The following SLC45A1 variants were observed in gnomAD, a reference collection of about 807,000 sequenced individuals.
SLC45A1 encodes solute carrier family 45 member 1, also known as proton-associated sugar transporter A.
SLC45A1 carries 28 observed loss-of-function variants against 57.6 expected under a neutral mutation model. The observed-to-expected ratio is 0.49, with a 90% confidence interval of 0.36 to 0.67. The LOEUF (loss-of-function observed/expected upper bound fraction) is 0.67, where lower values mean the gene tolerates loss of function less well. Among genes scored for constraint, SLC45A1 ranks in the 30% least tolerant of loss-of-function variants. The probability of loss-of-function intolerance (pLI) is 0.00; values close to 1 mark genes in which losing one functional copy is unlikely to be tolerated. For missense variants in SLC45A1, 814 were observed against 1,041.5 expected, an observed-to-expected ratio of 0.78 and a Z score of 3.01; for synonymous variants, 459 against 471.5, an observed-to-expected ratio of 0.97 and a Z score of 0.34.
intron 1 of SLC45A1, among the ~76,000 whole-genome samples, chr1:8,321,145 T>C (rs1205722844): frequency 6.6e-6 from 1 of 152,226 alleles, no homozygotes; most frequent in Non-Finnish European, 1.5e-5. Context: ...GGTTTTACCA[T>C]GCAGAAGTGC....
chr1:8,339,518 C>T lies in SLC45A1; in HGVS notation c.1800C>T (p.Phe600=), dbSNP rs1175829985. ...CTATCCTGGAGAAGCTGGAGGAGTT[C>T]CTCAGCGTCCGCACCCTCTACTTCA... ...YSAILEKLEE[F]LSVRTLYFIA... The change falls in exon 8 of 9, where the codon TTC becomes TTT. Residue 600 remains phenylalanine (F), a synonymous_variant. Coordinates refer to ENST00000471889, the MANE Select transcript of SLC45A1 (RefSeq NM_001080397.3). The T allele has an allele frequency of 1.9e-6, 3 of 1,614,202 alleles. No homozygotes were observed. Among genetic ancestry groups the T allele is most frequent in the Admixed American group, 3.3e-5 (2 of 60,026 alleles).
At chr1:8,342,000 G>A (rs1305949997) in intron 8 of SLC45A1, among the ~76,000 whole-genome samples, 1 of 152,148 alleles carries the variant, frequency 6.6e-6, no homozygotes, top group Non-Finnish European at 1.5e-5. Flanking sequence ...GAGGTCAGGA[G>A]ATCGAGACCA....
rs148282232 is a variant in SLC45A1, at chr1:8,328,835, G to A, written c.716-1374G>A. 1.6e-3 allele frequency among the ~76,000 whole-genome samples: 251 copies of A among 152,242 alleles called. 1 individual carries two copies. The East Asian group carries it at 0.023, about 14-fold the overall frequency. ...GCCTGGGCAATAAGAGTGAAACTCC[G>A]TCTCAAAGAAAAATAATAAATAAAA... On this transcript the variant is annotated intron_variant, in intron 4 of 8. Coordinates refer to ENST00000471889, the MANE Select transcript of SLC45A1 (RefSeq NM_001080397.3). The surrounding 1 kb of genome is among the most constrained non-coding windows in gnomAD (Gnocchi z 4.6).
chr1:8,321,728 A>G (rs1168160417), intron 1 of SLC45A1, among the ~76,000 whole-genome samples: 3 of 151,536 alleles, frequency 2.0e-5, no homozygotes, highest in African/African-American at 7.3e-5. Context: ...TGGGTGGAAG[A>G]ACGGGTCGGT....
rs1354639703 is a variant in SLC45A1, at chr1:8,343,337, G to A, written c.1981-410G>A. Among the ~76,000 whole-genome samples, 1 of 152,236 alleles carries A rather than the reference G, an allele frequency of 6.6e-6. No homozygotes were observed. The highest frequency in any genetic ancestry group is 2.4e-5 in the African/African-American group (1 of 41,460). ...AGCCTCGGACAGAGGACCAGCGGCT[G>A]TCATGTGCAGAGGACTTTGGGGGTG... On this transcript the variant is annotated intron_variant, in intron 8 of 8. Transcript: ENST00000471889. The surrounding 1 kb of genome is among the most constrained non-coding windows in gnomAD (Gnocchi z 7.7).
At chr1:8,319,789 T>C (rs1639942577) in intron 1 of SLC45A1, among the ~76,000 whole-genome samples, 1 of 152,170 alleles carries the variant, frequency 6.6e-6, no homozygotes, top group Admixed American at 6.5e-5. Flanking sequence ...CGATCTCAGC[T>C]CGCTACAACC....
At chr1:8,323,230 C>G (rs141720559) in intron 1 of SLC45A1, among the ~76,000 whole-genome samples, 3 of 152,064 alleles carry the variant, frequency 2.0e-5, no homozygotes, top group Non-Finnish European at 4.4e-5. Context: ...CGGTGGCTCA[C>G]GCCTGTAATC....
At position 8,335,608 on chromosome 1, in the gene SLC45A1, C is replaced by G. The variant is rs780739839; in HGVS notation, c.1597+18C>G. The G allele has an allele frequency of 1.3e-6, 2 of 1,586,894 alleles. No homozygotes were observed. Among genetic ancestry groups the G allele is most frequent in the South Asian group, 1.1e-5 (1 of 87,984 alleles). On this transcript the variant is annotated intron_variant, in intron 6 of 8. Coordinates refer to ENST00000471889, the MANE Select transcript of SLC45A1 (RefSeq NM_001080397.3). This position sits in a 1 kb window ranked among gnomAD's most constrained non-coding sequence, Gnocchi z 4.1. ...CTTCCTGGGTGAGCTCCCGGCCAAG[C>G]CTCCCCGTGAGTCCTGGTCCTGCTC...
At chr1:8,338,414 G>A (rs1367661593) in intron 7 of SLC45A1, among the ~76,000 whole-genome samples, 1 of 152,228 alleles carries the variant, frequency 6.6e-6, no homozygotes, top group Non-Finnish European at 1.5e-5. Flanking sequence ...GTAGGGGTGG[G>A]CAGGGGCCAG....
rs747201760 is a variant in SLC45A1 at position 8,324,261 on chromosome 1, C to T, written c.-24-45C>T. On this transcript the variant is annotated intron_variant, in intron 1 of 8. Coordinates refer to ENST00000471889, the MANE Select transcript of SLC45A1 (RefSeq NM_001080397.3). ...GAACTCAAATGTTGGGGGAGGACTA[C>T]CCAGGCAAAAGTAACTGTGGCCTCC... 12 of 1,537,886 alleles carry T rather than the reference C, an allele frequency of 7.8e-6. No individual in the cohort carries two copies. The Admixed American group carries it at 2.1e-4, about 27-fold the overall frequency.
At chr1:8,333,917 C>T (rs1322478110) in intron 5 of SLC45A1, among the ~76,000 whole-genome samples, 1 of 152,214 alleles carries the variant, frequency 6.6e-6, no homozygotes, top group Non-Finnish European at 1.5e-5. Flanking sequence ...CAGCGAGCTC[C>T]CGTCTGGAAA....
chr1:8,323,172 G>A (rs1469420822), intron 1 of SLC45A1, among the ~76,000 whole-genome samples: 1 of 152,082 alleles, frequency 6.6e-6, no homozygotes, highest in Non-Finnish European at 1.5e-5. Context: ...TCCTTACCTA[G>A]GTCATGGGCA....
intron 1 of SLC45A1, among the ~76,000 whole-genome samples, chr1:8,318,744 G>A (rs1237406998): frequency 1.3e-5 from 2 of 152,220 alleles, no homozygotes; most frequent in Non-Finnish European, 2.9e-5. Flanking sequence ...AGTGACAGCC[G>A]TGCATGTTTT....
Position 8,325,368 on chromosome 1 carries a change from T to A in SLC45A1, c.468T>A (p.Pro156=). 6.2e-7 allele frequency: 1 copy of A among 1,612,438 alleles called. No homozygotes were observed. The highest frequency in any genetic ancestry group is 8.5e-7 in the Non-Finnish European group (1 of 1,178,674). The change falls in exon 3 of 9, where the codon CCT becomes CCA. Residue 156 remains proline, a synonymous_variant. Coordinates refer to ENST00000471889, the MANE Select transcript of SLC45A1 (RefSeq NM_001080397.3). This position sits in a 1 kb window ranked among gnomAD's most constrained non-coding sequence, Gnocchi z 6.3. The part of the protein sequence containing the change: ...RCTSRFGRRR[P]FILVLAIGAL... ...CCTCAAGGTTTGGAAGGAGACGCCC[T>A]TTCATTCTTGTCCTGGCTATAGGTC...
In SLC45A1 at chr1:8,330,371, T is replaced by A; in HGVS notation, c.878T>A (p.Leu293Gln). 6.2e-7 allele frequency: 1 copy of A among 1,612,982 alleles called. No individual in the cohort carries two copies. Among genetic ancestry groups the A allele is most frequent in the Non-Finnish European group, 8.5e-7 (1 of 1,179,934 alleles). The change falls in exon 5 of 9, where the codon CTG becomes CAG. Residue 293 changes from leucine (L) to glutamine (Q), a missense_variant. Leu to Gln is a moderately radical substitution (Grantham distance 113). Transcript: ENST00000471889. This position sits in a 1 kb window ranked among gnomAD's most constrained non-coding sequence, Gnocchi z 8.4. ...LTLVSIPERPLRPPSEKRAAM... is the reference protein window; with the variant it reads ...LTLVSIPERPQRPPSEKRAAM... ...CTGGTCAGCATCCCTGAGAGGCCGC[T>A]GCGGCCGCCGAGTGAGAAGCGGGCA...
Position 8,325,651 on chromosome 1 carries a change from A to C in SLC45A1, c.491-167A>C, listed in dbSNP as rs1569935392. Among the ~76,000 whole-genome samples the C allele has an allele frequency of 1.3e-5, 2 of 152,290 alleles. No homozygotes were observed. Among genetic ancestry groups the C allele is most frequent in the South Asian group, 4.1e-4 (2 of 4,830 alleles). ...TTAATGAAATAAAAACCCCCATCCA[A>C]GTGCAAAATATATGGTGAGTTTGCA... On this transcript the variant is annotated intron_variant, in intron 3 of 8. Transcript: ENST00000471889. This position sits in a 1 kb window ranked among gnomAD's most constrained non-coding sequence, Gnocchi z 6.3.
At chr1:8,319,628 T>A (rs912724185) in intron 1 of SLC45A1, among the ~76,000 whole-genome samples, 8 of 152,226 alleles carry the variant, frequency 5.3e-5, no homozygotes, top group African/African-American at 1.9e-4. Context: ...TGGCGAATGT[T>A]TGTATTTGTG....
rs769546906 is a variant in SLC45A1 at position 8,343,777 on chromosome 1, C to T, written c.2011C>T (p.Arg671Trp). ...FAGSSADGTRRGMGVDISLLS... is the reference protein window; with the variant it reads ...FAGSSADGTRWGMGVDISLLS... Reference sequence around the variant, plus strand: ...AGGGTCCAGTGCGGACGGCACCCGGCGGGGCATGGGCGTGGACATCTCTCT... The same window carrying T: ...AGGGTCCAGTGCGGACGGCACCCGGTGGGGCATGGGCGTGGACATCTCTCT... Residue 671 changes from arginine (R) to tryptophan (W), a missense_variant, in exon 9 of 9, where the codon CGG becomes TGG. Physicochemically the swap from Arg to Trp is moderately radical, Grantham distance 101. Coordinates refer to ENST00000471889, the MANE Select transcript of SLC45A1 (RefSeq NM_001080397.3). The surrounding 1 kb of genome is among the most constrained non-coding windows in gnomAD (Gnocchi z 7.7). 47 of 1,613,720 alleles carry T rather than the reference C, an allele frequency of 2.9e-5. No individual in the cohort carries two copies. Among genetic ancestry groups the T allele is most frequent in the South Asian group, 5.5e-5 (5 of 91,068 alleles).
At position 8,330,547 on chromosome 1, in the gene SLC45A1, A is replaced by G. The variant is rs775816584; in HGVS notation, c.1054A>G (p.Ile352Val). 1.2e-6 allele frequency: 2 copies of G among 1,613,138 alleles called. No homozygotes were observed. The highest frequency in any genetic ancestry group is 2.2e-5 in the East Asian group (1 of 44,876). ...CCTCACGCCCAAGTACGGCAGCTTC[A>G]TCAGCAGGGACAGCTCCCTGACGGG... ...SPLTPKYGSF[I>V]SRDSSLTGIS... Residue 352 changes from isoleucine (I) to valine (V), a missense_variant, in exon 5 of 9, where the codon ATC (isoleucine) becomes GTC (valine). Ile to Val is a conservative substitution (Grantham distance 29). Transcript: ENST00000471889. This position sits in a 1 kb window ranked among gnomAD's most constrained non-coding sequence, Gnocchi z 8.4.
Sources: allele counts gnomAD v4.1 joint callset (sites outside exome capture counted in the v4.1 genomes callset), GRCh38; gene constraint gnomAD v4.1.1; non-coding constraint Gnocchi (gnomAD v3.1); transcripts MANE v1.5; gene names NCBI Gene and HGNC (gene_info 2026-07-23, HGNC 2026-07-21).